Variants in OPTN observed in about 807,000 individuals in gnomAD.
The protein encoded by OPTN is E3-14.7K-interacting protein.
OPTN carries 54 observed loss-of-function variants against 70.4 expected under a neutral mutation model. That is an observed-to-expected ratio of 0.77 (90% confidence interval 0.62 to 0.96). OPTN has a LOEUF of 0.96. Ranked by LOEUF, OPTN falls within the 40% of genes least tolerant of loss-of-function variation. The probability of loss-of-function intolerance (pLI) is 0.00; values close to 1 mark genes in which losing one functional copy is unlikely to be tolerated. For missense variants in OPTN, 624 were observed against 673.2 expected, an observed-to-expected ratio of 0.93 and a Z score of 0.81; for synonymous variants, 256 against 248.5, an observed-to-expected ratio of 1.03 and a Z score of -0.28.
Position 13,137,743 on chromosome 10 carries a change from C to T in OPTN, c.*877C>T. 1 of 229,490 alleles carries T rather than the reference C, an allele frequency of 4.4e-6. No individual in the cohort carries two copies. The highest frequency in any genetic ancestry group is 1.8e-4 in the South Asian group (1 of 5,502). 14.2% of individuals were successfully genotyped at this position (229,490 alleles called of 1,614,324 possible). ...AGTTAGCCTTTACTTAATATCAAGA[C>T]AAGTGAAAAAATATTGGCATCGATG... On this transcript the variant is annotated 3_prime_UTR_variant, in exon 15 of 15. Transcript: ENST00000378747.
chr10:13,121,195 T>G (rs560425751), intron 7 of OPTN, among the ~76,000 whole-genome samples: 1 of 152,260 alleles, frequency 6.6e-6, no homozygotes, highest in East Asian at 1.9e-4. Context: ...CTGCTGTGGC[T>G]AAGGGAAGGG....
intron 14 of OPTN, 71 bp downstream of exon 14, chr10:13,133,652 C>A: frequency 7.3e-7 from 1 of 1,367,818 alleles, no homozygotes; most frequent in Non-Finnish European, 1.0e-6. Flanking sequence ...AGAAAAATTC[C>A]ACTTCATTCT....
intron 14 of OPTN, among the ~76,000 whole-genome samples, chr10:13,135,289 G>C (rs1379870019): frequency 4.6e-5 from 7 of 152,068 alleles, no homozygotes; most frequent in Non-Finnish European, 1.0e-4. Flanking sequence ...CCAGGACCTA[G>C]CTAGGGTCAG....
At position 13,110,406 on chromosome 10, in the gene OPTN, T is replaced by C. The variant is rs1400143567; in HGVS notation, c.299T>C (p.Leu100Ser). 6.2e-7 allele frequency: 1 copy of C among 1,614,058 alleles called. No homozygotes were observed. The highest frequency in any genetic ancestry group is 8.5e-7 in the Non-Finnish European group (1 of 1,179,984). ...SKEAKERLMA[L>S]SHENEKLKEE... ...GAAGCAAAAGAGCGTCTAATGGCCT[T>C]GAGTCATGAGAATGAGAAATTGAAG... The change falls in exon 4 of 15, where the codon TTG becomes TCG. Residue 100 changes from leucine (L) to serine (S), a missense_variant. Transcript: ENST00000378747.
intron 5 of OPTN, among the ~76,000 whole-genome samples, chr10:13,114,189 G>C (rs182231095): frequency 5.8e-4 from 88 of 152,256 alleles, no homozygotes; most frequent in African/African-American, 2.0e-3. Context: ...GGTTATATCT[G>C]AAATATGAAT....
At chr10:13,112,333 T>C in intron 4 of OPTN, 120 bp from the exon 5 acceptor site, 1 of 930,694 alleles carries the variant, frequency 1.1e-6, no homozygotes, top group South Asian at 1.4e-5. Flanking sequence ...GGTCTCAAAA[T>C]CCTGGCCTCA....
In OPTN at chr10:13,116,498, T is replaced by C. The variant is rs933406704; in HGVS notation, c.626+158T>C. 41 of 694,864 alleles carry C rather than the reference T, an allele frequency of 5.9e-5. No homozygotes were observed. In the African/African-American group the frequency reaches 6.3e-4, roughly 11 times the overall value. The allele number at this position is 694,864 out of a possible 1,614,324, so 43.0% of individuals were successfully genotyped here. A position where few individuals can be genotyped will look rare whatever the true frequency, so the allele number is the denominator to read the frequency against. On this transcript the variant is annotated intron_variant, in intron 6 of 14. Coordinates refer to ENST00000378747, the MANE Select transcript of OPTN (RefSeq NM_001008212.2). ...AATATTTGGTTTGAATGCTATTTAA[T>C]GTTGCAGCTCAAACTGGCAAAGATT... is the stretch of plus-strand genomic sequence containing the variant.
intron 14 of OPTN, 31 bp downstream of exon 14, chr10:13,133,612 A>C: frequency 1.9e-6 from 3 of 1,580,090 alleles, no homozygotes; most frequent in Non-Finnish European, 2.6e-6. Context: ...GATTTTCAGG[A>C]AATAGCTATC....
intron 9 of OPTN, among the ~76,000 whole-genome samples, chr10:13,124,370 T>G (rs1460415439): frequency 6.6e-6 from 1 of 152,200 alleles, no homozygotes; most frequent in Admixed American, 6.5e-5. Context: ...GGGTAAGATC[T>G]CTACAGTAAA....
chr10:13,119,438 GTTTA>G (rs1259899331), intron 7 of OPTN, among the ~76,000 whole-genome samples: 3 of 152,114 alleles, frequency 2.0e-5, no homozygotes, highest in African/African-American at 7.2e-5. Flanking sequence ...ACAACATTTT[GTTTA>G]TTCATTCATC....
At chr10:13,109,733 G>A in intron 3 of OPTN, 1 of 169,546 alleles carries the variant, frequency 5.9e-6, no homozygotes, top group Admixed American at 5.7e-5. Context: ...TACTGGGGAT[G>A]CTGAGGTTGG....
chr10:13,133,685 G>A (rs758649997), intron 14 of OPTN, 104 bp downstream of exon 14: 23 of 1,007,618 alleles, frequency 2.3e-5, no homozygotes, highest in Non-Finnish European at 3.5e-5. Context: ...CCAAATCAAG[G>A]CACCAAAAAT....
intron 8 of OPTN, among the ~76,000 whole-genome samples, chr10:13,123,596 A>T (rs1343341989): frequency 1.3e-5 from 2 of 152,328 alleles, no homozygotes; most frequent in East Asian, 3.9e-4. Context: ...GCACAACAAA[A>T]ATAGTTGAGT....
At chr10:13,103,471 A>C (rs573963413) in intron 1 of OPTN, among the ~76,000 whole-genome samples, 1 of 152,314 alleles carries the variant, frequency 6.6e-6, no homozygotes, top group South Asian at 2.1e-4. Context: ...CATTTGACAC[A>C]TTATGACTTT....
chr10:13,117,287 A>G (rs1020419001), intron 6 of OPTN, among the ~76,000 whole-genome samples: 11 of 151,218 alleles, frequency 7.3e-5, no homozygotes, highest in South Asian at 4.2e-4. Flanking sequence ...TCACCGTGTT[A>G]GCCAGGATGG....
chr10:13,119,145 T>G (rs1588443602), intron 7 of OPTN, 105 bp downstream of exon 7: 2 of 1,104,042 alleles, frequency 1.8e-6, no homozygotes, highest in East Asian at 5.1e-5. Flanking sequence ...CATTTCAGTG[T>G]TTTTTAGAAT....
At chr10:13,109,066 G>A (rs1024247066) in intron 2 of OPTN, 46 bp from the exon 3 acceptor site, 2 of 1,586,234 alleles carry the variant, frequency 1.3e-6, no homozygotes, top group East Asian at 2.2e-5. Flanking sequence ...GGGACCCCTT[G>A]TGGGGCGGGG....
chr10:13,136,505 C>A (rs76078537), intron 14 of OPTN, among the ~76,000 whole-genome samples: 162 of 72,822 alleles, frequency 2.2e-3, no homozygotes, highest in South Asian at 4.8e-3. Flanking sequence ...GACTCCGTCT[C>A]AAAAAAAAAA....
intron 7 of OPTN, among the ~76,000 whole-genome samples, chr10:13,119,884 T>G (rs1421258308): frequency 6.6e-6 from 1 of 152,218 alleles, no homozygotes; most frequent in Non-Finnish European, 1.5e-5. Flanking sequence ...TTTTTAAAAA[T>G]TGGGTTATTT....
Sources: allele counts gnomAD v4.1 joint callset (sites outside exome capture counted in the v4.1 genomes callset), GRCh38; gene constraint gnomAD v4.1.1; transcripts MANE v1.5; gene names NCBI Gene and HGNC (gene_info 2026-07-23, HGNC 2026-07-21).